The following MAPRE2 variants were observed in gnomAD, a reference collection of about 807,000 sequenced individuals.
MAPRE2 encodes microtubule-associated protein RP/EB family member 2.
MAPRE2 carries 13 observed loss-of-function variants against 43.2 expected under a neutral mutation model. The ratio of observed to expected loss-of-function variants is 0.30; its 90% CI spans 0.20 to 0.48. The LOEUF is 0.48. Among genes scored for constraint, MAPRE2 ranks in the 20% least tolerant of loss-of-function variants. The probability of loss-of-function intolerance (pLI) is 0.99; values close to 1 mark genes in which losing one functional copy is unlikely to be tolerated. For missense variants in MAPRE2, 161 were observed against 400.2 expected (o/e 0.40, Z 5.10); for synonymous variants, 135 against 148.8 (o/e 0.91, Z 0.68).
chr18:35,127,913 A>G (rs1391912117), intron 5 of MAPRE2, among the ~76,000 whole-genome samples: 3 of 152,230 alleles, frequency 2.0e-5, no homozygotes, highest in Non-Finnish European at 4.4e-5. Flanking sequence ...CTTAAAAGTA[A>G]TAAAAGCAAC....
At chr18:35,027,827 T>C (rs1035914749) in intron 2 of MAPRE2, among the ~76,000 whole-genome samples, 6 of 152,198 alleles carry the variant, frequency 3.9e-5, no homozygotes, top group African/African-American at 1.4e-4. Flanking sequence ...TATATCCATA[T>C]AGTGTCAGCT....
intron 2 of MAPRE2, among the ~76,000 whole-genome samples, chr18:35,077,208 T>TTC (rs367688469): frequency 2.5e-4 from 38 of 151,126 alleles, no homozygotes; most frequent in East Asian, 7.8e-4. Context: ...TCTCAATAAG[T>TTC]TCTCTCTCTC....
At chr18:35,022,017 C>T (rs2097042226) in intron 2 of MAPRE2, among the ~76,000 whole-genome samples, 1 of 152,066 alleles carries the variant, frequency 6.6e-6, no homozygotes, top group African/African-American at 2.4e-5. Context: ...AATTCTGAAG[C>T]CTCAGAAGCA....
chr18:35,141,483 A>G lies in MAPRE2; in HGVS notation c.*1114A>G, dbSNP rs887869707. On this transcript the variant is annotated 3_prime_UTR_variant, in exon 7 of 7. Transcript: ENST00000300249. ...AGCACAGAAAAATCTATGACTCCCA[A>G]TATCTTCTAGAATAAAGAATTTTCC... 2 of 152,192 alleles carry G rather than the reference A, an allele frequency of 1.3e-5. No homozygotes were observed. Among genetic ancestry groups the G allele is most frequent in the African/African-American group, 4.8e-5 (2 of 41,450 alleles). 9.4% of individuals were successfully genotyped at this position (152,192 alleles called of 1,614,324 possible).
In MAPRE2 at chr18:35,034,348, C is replaced by T. The variant is rs1302982236; in HGVS notation, c.-8+28795C>T. ...CTGAAACTGGATCCCTTCCTTACACCTTATACAAAAATTAATTCAAGATGG... is the reference window on the plus strand; with the variant it reads ...CTGAAACTGGATCCCTTCCTTACACTTTATACAAAAATTAATTCAAGATGG... On this transcript the variant is annotated intron_variant, in intron 2 of 7. Coordinates refer to the MAPRE2 transcript ENST00000413393. Among the ~76,000 whole-genome samples, 3 of 152,270 alleles carry T rather than the reference C, an allele frequency of 2.0e-5. No homozygotes were observed. In the East Asian group the frequency reaches 5.8e-4, roughly 29 times the overall value.
intron 2 of MAPRE2, among the ~76,000 whole-genome samples, chr18:35,030,092 T>C (rs768796787): frequency 1.1e-4 from 17 of 152,214 alleles, no homozygotes; most frequent in African/African-American, 2.9e-4. Context: ...CAATCACATA[T>C]ACTGCTAACA....
chr18:35,059,502 C>T (rs1906410582), intron 1 of MAPRE2, among the ~76,000 whole-genome samples: 1 of 152,228 alleles, frequency 6.6e-6, no homozygotes, highest in African/African-American at 2.4e-5. Flanking sequence ...GTGCCACACA[C>T]AGTTCCAGAC....
chr18:34,989,617 A>G (rs906845202), intron 1 of MAPRE2, among the ~76,000 whole-genome samples: 1 of 152,178 alleles, frequency 6.6e-6, no homozygotes, highest in African/African-American at 2.4e-5. Context: ...AGGCTGAGGC[A>G]GGAGGATCAC....
At chr18:35,056,998 G>T (rs1173014087) in intron 1 of MAPRE2, among the ~76,000 whole-genome samples, 1 of 151,996 alleles carries the variant, frequency 6.6e-6, no homozygotes, top group East Asian at 1.9e-4. Flanking sequence ...CCATGTATCT[G>T]CCCCTCTGTT....
chr18:35,094,168 G>T (rs1908296413), intron 2 of MAPRE2, among the ~76,000 whole-genome samples: 1 of 152,118 alleles, frequency 6.6e-6, no homozygotes. Flanking sequence ...CAAATACCCT[G>T]ATTTGATCAT....
chr18:35,039,448 G>A (rs753285856), upstream of MAPRE2, among the ~76,000 whole-genome samples: 3 of 152,180 alleles, frequency 2.0e-5, no homozygotes, highest in Non-Finnish European at 4.4e-5. Flanking sequence ...GGTCAGAATT[G>A]GATCTGATTG....
chr18:35,051,190 C>A (rs1182783114), intron 1 of MAPRE2, among the ~76,000 whole-genome samples: 2 of 152,146 alleles, frequency 1.3e-5, no homozygotes, highest in Non-Finnish European at 2.9e-5. Context: ...CTCTCCCTGT[C>A]TTTTCAAGGG....
At chr18:35,127,582 G>T (rs1909963033) in intron 5 of MAPRE2, 1 of 152,440 alleles carries the variant, frequency 6.6e-6, no homozygotes, top group Non-Finnish European at 1.5e-5. Context: ...TACGCTTAAT[G>T]CTGGTAATAT....
intron 1 of MAPRE2, among the ~76,000 whole-genome samples, chr18:35,043,775 T>C (rs1603393290): frequency 6.6e-6 from 1 of 152,348 alleles, no homozygotes; most frequent in East Asian, 1.9e-4. Context: ...TGTCTTGTGT[T>C]ATACAAAGGG....
chr18:35,139,941 T>C (rs1327189665), intron 6 of MAPRE2, among the ~76,000 whole-genome samples: 1 of 152,184 alleles, frequency 6.6e-6, no homozygotes, highest in Non-Finnish European at 1.5e-5. Flanking sequence ...TACTCATGGT[T>C]GTCATGATGC....
chr18:35,051,143 G>A (rs1192952346), intron 1 of MAPRE2, among the ~76,000 whole-genome samples: 1 of 152,102 alleles, frequency 6.6e-6, no homozygotes, highest in Non-Finnish European at 1.5e-5. Flanking sequence ...CCTCTAGAGA[G>A]AGTTTAGTTC....
At chr18:35,023,442 T>C (rs903849937) in intron 2 of MAPRE2, among the ~76,000 whole-genome samples, 14 of 151,632 alleles carry the variant, frequency 9.2e-5, no homozygotes, top group African/African-American at 3.4e-4. Flanking sequence ...AACCCAGGGG[T>C]CAGAGCTTGC....
chr18:35,122,743 G>A (rs1373385241), intron 4 of MAPRE2, among the ~76,000 whole-genome samples: 1 of 152,156 alleles, frequency 6.6e-6, no homozygotes, highest in African/African-American at 2.4e-5. Flanking sequence ...ATCTCAAAGG[G>A]ATCCAGGAGG....
chr18:35,019,325 G>C (rs2150586824), intron 2 of MAPRE2, among the ~76,000 whole-genome samples: 1 of 152,130 alleles, frequency 6.6e-6, no homozygotes, highest in Non-Finnish European at 1.5e-5. Context: ...GGAGTATTCT[G>C]TAGCTGTCTA....
Sources: allele counts gnomAD v4.1 joint callset (sites outside exome capture counted in the v4.1 genomes callset), GRCh38; gene constraint gnomAD v4.1.1; transcripts MANE v1.5; gene names NCBI Gene and HGNC (gene_info 2026-07-23, HGNC 2026-07-21).